Variants in MIS18A observed in about 807,000 individuals in gnomAD.
The protein encoded by MIS18A is protein Mis18-alpha.
MIS18A carries 14 observed loss-of-function variants against 25.0 expected under a neutral mutation model. The ratio of observed to expected loss-of-function variants is 0.56; its 90% CI spans 0.37 to 0.88. MIS18A has a LOEUF of 0.88. Among genes scored for constraint, MIS18A ranks in the 40% least tolerant of loss-of-function variants. MIS18A has a pLI of 0.00. For missense variants in MIS18A, 292 were observed against 290.8 expected (o/e 1.00, Z -0.03); for synonymous variants, 134 against 118.6 (o/e 1.13, Z -0.84).
At chr21:32,194,149 A>G in the MIS18A span, among the ~76,000 whole-genome samples, 2 of 152,168 alleles carry the variant, frequency 1.3e-5, no homozygotes, top group Non-Finnish European at 2.9e-5. Context: ...TGGAGGACCC[A>G]CACGTGTGCC....
chr21:32,205,024 C>T, the MIS18A span, among the ~76,000 whole-genome samples: 1 of 151,986 alleles, frequency 6.6e-6, no homozygotes, highest in South Asian at 2.1e-4. Flanking sequence ...CTCCATTCTC[C>T]ACCAAAGTCC....
the MIS18A span, among the ~76,000 whole-genome samples, chr21:32,198,862 C>T: frequency 6.6e-6 from 1 of 151,556 alleles, no homozygotes; most frequent in African/African-American, 2.4e-5. Context: ...ACCAGTGGAC[C>T]CCATGGTATG....
the MIS18A span, among the ~76,000 whole-genome samples, chr21:32,215,040 A>G: frequency 2.6e-5 from 4 of 152,216 alleles, no homozygotes; most frequent in African/African-American, 9.6e-5. Flanking sequence ...CGGGGACATA[A>G]GCAAGCCAAG....
the MIS18A span, among the ~76,000 whole-genome samples, chr21:32,167,282 C>T: frequency 6.6e-6 from 1 of 152,012 alleles, no homozygotes; most frequent in East Asian, 1.9e-4. Flanking sequence ...TCAGACATAC[C>T]AAAAAACAGG....
At position 32,274,885 on chromosome 21, in the gene MIS18A, T is replaced by G. The variant is rs562085237; in HGVS notation, c.346A>C (p.Asn116His). 4.3e-6 allele frequency: 7 copies of G among 1,612,052 alleles called. No homozygotes were observed. The South Asian group carries it at 7.7e-5, about 18-fold the overall frequency. Residue 116 changes from asparagine to histidine, a missense_variant, in exon 2 of 5, where the codon AAT becomes CAT. Asn to His is a moderately conservative substitution (Grantham distance 68). Transcript: ENST00000290130. ...NCILLRCVSCNVSVDKEQKLS... is the reference protein window; with the variant it reads ...NCILLRCVSCHVSVDKEQKLS... ...TTCTGTTCCTTATCCACAGAAACAT[T>G]ACAGGAAACACCTAGAAACAGAGAA... is the stretch of plus-strand genomic sequence containing the variant.
At chr21:32,263,472 G>T (rs1034978214), downstream of MIS18A, among the ~76,000 whole-genome samples, 7 of 152,122 alleles carry the variant, frequency 4.6e-5, no homozygotes, top group Admixed American at 3.9e-4. Flanking sequence ...GTGGTGGCAC[G>T]CGCCTGTAGT....
At chr21:32,171,470 G>C in the MIS18A span, among the ~76,000 whole-genome samples, 18 of 151,876 alleles carry the variant, frequency 1.2e-4, no homozygotes, top group African/African-American at 4.1e-4. Context: ...TTAATGACAG[G>C]GACACATTCT....
the MIS18A span, among the ~76,000 whole-genome samples, chr21:32,214,921 C>CAAG: frequency 8.5e-5 from 13 of 152,220 alleles, no homozygotes; most frequent in African/African-American, 3.1e-4. Context: ...CAGTGTGAGT[C>CAAG]AAGACCACTG....
the MIS18A span, among the ~76,000 whole-genome samples, chr21:32,190,718 G>A: frequency 6.6e-6 from 1 of 152,234 alleles, no homozygotes; most frequent in Non-Finnish European, 1.5e-5. Flanking sequence ...CAGATGGCAT[G>A]TGACTGTTTG....
the MIS18A span, among the ~76,000 whole-genome samples, chr21:32,211,506 T>G: frequency 0.38 from 58,378 of 152,128 alleles, 11,506 homozygotes; most frequent in East Asian, 0.46. Context: ...CTCCTAATGA[T>G]AGGCTGTTTC....
At chr21:32,194,065 G>A in the MIS18A span, among the ~76,000 whole-genome samples, 1 of 152,104 alleles carries the variant, frequency 6.6e-6, no homozygotes, top group Non-Finnish European at 1.5e-5. Context: ...CTGAAATGAT[G>A]AGGCTGTGGA....
downstream of MIS18A, among the ~76,000 whole-genome samples, chr21:32,263,863 T>C (rs1001322784): frequency 6.6e-6 from 1 of 151,184 alleles, no homozygotes; most frequent in Non-Finnish European, 1.5e-5. Flanking sequence ...ATATCCCCAT[T>C]ATGGCCAATT....
At position 32,271,385 on chromosome 21, in the gene MIS18A, ATTCCTGC is replaced by A. The variant is rs1178245811; in HGVS notation, c.402-863_402-857del. On this transcript the variant is annotated intron_variant, in intron 2 of 4. Transcript: ENST00000290130. ...AAACACTTGTAATCACTAAATATCC[ATTCCTGC>A]TATCAAGCAAAAGGGAGCTACCCAA... 4.6e-5 allele frequency among the ~76,000 whole-genome samples: 7 copies of A among 152,374 alleles called. No homozygotes were observed. In the Middle Eastern group the frequency reaches 0.01, roughly 222 times the overall value.
At chr21:32,199,271 C>T in the MIS18A span, among the ~76,000 whole-genome samples, 1 of 152,086 alleles carries the variant, frequency 6.6e-6, no homozygotes, top group Non-Finnish European at 1.5e-5. Flanking sequence ...CTGATTTATA[C>T]CGTCGTGCTG....
the MIS18A span, chr21:32,260,108 T>A: frequency 4.0e-5 from 6 of 151,668 alleles, no homozygotes; most frequent in Non-Finnish European, 8.8e-5. Context: ...GATTTTTCCA[T>A]TTACCATCAT....
At chr21:32,195,756 A>C in the MIS18A span, among the ~76,000 whole-genome samples, 1 of 152,164 alleles carries the variant, frequency 6.6e-6, no homozygotes. Context: ...ACAGTGGCTC[A>C]CACCTGTAAT....
the MIS18A span, among the ~76,000 whole-genome samples, chr21:32,176,689 A>G: frequency 6.6e-6 from 1 of 152,144 alleles, no homozygotes; most frequent in Non-Finnish European, 1.5e-5. Context: ...ACATAAAACA[A>G]GAGAAAGTGG....
At chr21:32,164,164 T>C in the MIS18A span, among the ~76,000 whole-genome samples, 1 of 152,088 alleles carries the variant, frequency 6.6e-6, no homozygotes, top group African/African-American at 2.4e-5. Context: ...AGGGTCAGAT[T>C]TTAACATAAG....
the MIS18A span, among the ~76,000 whole-genome samples, chr21:32,183,864 C>A: frequency 5.8e-4 from 88 of 152,348 alleles, no homozygotes; most frequent in African/African-American, 1.9e-3. Context: ...AAGTGCACCA[C>A]ACCTGAATGC....
Sources: gnomAD v4.1 joint callset for allele counts (sites outside exome capture counted in the v4.1 genomes callset) on GRCh38, gnomAD v4.1.1 for gene constraint, MANE v1.5 for transcripts, NCBI Gene and HGNC (gene_info 2026-07-23, HGNC 2026-07-21) for gene names.